The following ZNF704 variants were observed in gnomAD, a reference collection of about 807,000 sequenced individuals.
The protein encoded by ZNF704 is glucocorticoid induced gene 1.
In ZNF704, 10 loss-of-function variants were observed where a neutral mutation model predicts 44.7. The ratio of observed to expected loss-of-function variants is 0.22; its 90% CI spans 0.14 to 0.38. The LOEUF (loss-of-function observed/expected upper bound fraction) is 0.38, where lower values mean the gene tolerates loss of function less well. Among genes scored for constraint, ZNF704 ranks in the 10% least tolerant of loss-of-function variants. The probability of loss-of-function intolerance (pLI) is 1.00; values close to 1 mark genes in which losing one functional copy is unlikely to be tolerated. For missense variants in ZNF704, 390 were observed against 545.5 expected, an observed-to-expected ratio of 0.71 and a Z score of 2.84; for synonymous variants, 211 against 207.6, an observed-to-expected ratio of 1.02 and a Z score of -0.14.
At chr8:80,653,574 T>G (rs575777933) in intron 7 of ZNF704, among the ~76,000 whole-genome samples, 5 of 152,228 alleles carry the variant, frequency 3.3e-5, no homozygotes, top group East Asian at 1.9e-4. Context: ...AAATCATGAG[T>G]GAACTCCCAT....
rs1418827933 is a variant in ZNF704 at position 80,636,753 on chromosome 8, C to T, written c.*4613G>A. On this transcript the variant is annotated 3_prime_UTR_variant, in exon 9 of 9. Coordinates refer to ENST00000327835, the MANE Select transcript of ZNF704 (RefSeq NM_001033723.3). ...CTCTGTTTCCACTCATTTGTATGCA[C>T]AAATTCTTCCCTGAGTTCACACAGG... 1 of 152,188 alleles carries T rather than the reference C, an allele frequency of 6.6e-6. No homozygotes were observed. The highest frequency in any genetic ancestry group is 1.5e-5 in the Non-Finnish European group (1 of 68,044). The allele number at this position is 152,188 out of a possible 1,614,324, so 9.4% of individuals were successfully genotyped here.
chr8:80,817,955 C>T (rs1293768330), intron 2 of ZNF704, among the ~76,000 whole-genome samples: 2 of 152,146 alleles, frequency 1.3e-5, no homozygotes, highest in African/African-American at 4.8e-5. Flanking sequence ...AAGGCTGGCA[C>T]CTCACTCATC....
At chr8:80,848,402 T>A (rs1484803850) in intron 1 of ZNF704, among the ~76,000 whole-genome samples, 1 of 152,184 alleles carries the variant, frequency 6.6e-6, no homozygotes, top group African/African-American at 2.4e-5. Context: ...CTAAATAAAG[T>A]CAGTGGGCTG....
At chr8:80,680,594 G>A (rs188462799) in intron 4 of ZNF704, among the ~76,000 whole-genome samples, 56 of 152,230 alleles carry the variant, frequency 3.7e-4, no homozygotes, top group Non-Finnish European at 5.1e-4. Flanking sequence ...AGGGTCAAGA[G>A]GTCCACACAG....
intron 1 of ZNF704, among the ~76,000 whole-genome samples, chr8:80,864,016 G>C (rs888898209): frequency 6.6e-6 from 1 of 152,126 alleles, no homozygotes; most frequent in Non-Finnish European, 1.5e-5. Context: ...CGTGGGTACT[G>C]ATTTATTGAG....
At chr8:80,807,563 A>G (rs1402449136) in intron 2 of ZNF704, among the ~76,000 whole-genome samples, 1 of 152,172 alleles carries the variant, frequency 6.6e-6, no homozygotes, top group Admixed American at 6.5e-5. Flanking sequence ...CAGTGAACCA[A>G]TATTTACAGA....
chr8:80,870,270 A>T (rs1330850260), intron 1 of ZNF704, among the ~76,000 whole-genome samples: 1 of 152,238 alleles, frequency 6.6e-6, no homozygotes, highest in Non-Finnish European at 1.5e-5. Context: ...TGCTTTAGTC[A>T]TAACACTAGG....
intron 4 of ZNF704, among the ~76,000 whole-genome samples, chr8:80,684,072 G>C (rs1003162713): frequency 6.6e-6 from 1 of 152,170 alleles, no homozygotes; most frequent in African/African-American, 2.4e-5. Context: ...TATCCTGAGA[G>C]GGGCATGTTA....
intron 2 of ZNF704, among the ~76,000 whole-genome samples, chr8:80,820,008 T>C (rs1370515343): frequency 6.6e-6 from 1 of 152,230 alleles, no homozygotes; most frequent in Non-Finnish European, 1.5e-5. Flanking sequence ...TAGAAACCAC[T>C]TGGACAAATG....
intron 2 of ZNF704, among the ~76,000 whole-genome samples, chr8:80,774,992 C>T (rs1335311849): frequency 6.6e-6 from 1 of 152,112 alleles, no homozygotes; most frequent in African/African-American, 2.4e-5. Flanking sequence ...TTCTCTCTAC[C>T]TTTCATCTTT....
intron 2 of ZNF704, among the ~76,000 whole-genome samples, chr8:80,715,104 G>C (rs1402650514): frequency 6.6e-6 from 1 of 152,270 alleles, no homozygotes; most frequent in Non-Finnish European, 1.5e-5. Flanking sequence ...CTGCATTCAG[G>C]TACTGATATC....
At chr8:80,656,166 T>C (rs1012819506) in intron 7 of ZNF704, among the ~76,000 whole-genome samples, 2 of 152,176 alleles carry the variant, frequency 1.3e-5, no homozygotes, top group Non-Finnish European at 1.5e-5. Context: ...TGGCATGTGC[T>C]TGTGCTCTCT....
At chr8:80,852,023 T>A (rs1254284809) in intron 1 of ZNF704, among the ~76,000 whole-genome samples, 2 of 152,164 alleles carry the variant, frequency 1.3e-5, no homozygotes, top group Non-Finnish European at 2.9e-5. Flanking sequence ...TGGAACGAAC[T>A]TTTCTGGTAA....
At chr8:80,674,084 C>A (rs1455015201) in intron 4 of ZNF704, among the ~76,000 whole-genome samples, 1 of 152,190 alleles carries the variant, frequency 6.6e-6, no homozygotes, top group Non-Finnish European at 1.5e-5. Flanking sequence ...TGCGGAGAAG[C>A]AAAGACACAA....
chr8:80,643,124 T>C lies in ZNF704; in HGVS notation c.1038A>G (p.Ser346=), dbSNP rs1243581338. ...PPVTFTGIPV[S]PTHHPVGTGE... ...CTGTGCCCACCGGATGATGTGTGGG[T>C]GACACCTGGTGAATACATGGAAAAG... Residue 346 remains serine, a synonymous_variant, in exon 8 of 9, where the codon TCA becomes TCG. Coordinates refer to ENST00000327835, the MANE Select transcript of ZNF704 (RefSeq NM_001033723.3). The C allele has an allele frequency of 1.2e-6, 2 of 1,601,438 alleles. No homozygotes were observed. The highest frequency in any genetic ancestry group is 1.7e-6 in the Non-Finnish European group (2 of 1,173,650).
intron 1 of ZNF704, among the ~76,000 whole-genome samples, chr8:80,867,751 A>T (rs1217745524): frequency 2.0e-5 from 3 of 152,228 alleles, no homozygotes; most frequent in Admixed American, 1.3e-4. Context: ...AAGTCATCTG[A>T]TATTCAAGAG....
At position 80,665,831 on chromosome 8, in the gene ZNF704, AT is replaced by A. The variant is rs1041772341; in HGVS notation, c.660-750del. On this transcript the variant is annotated intron_variant, in intron 5 of 8. Coordinates refer to ENST00000327835, the MANE Select transcript of ZNF704 (RefSeq NM_001033723.3). ...GCACTATTTTATTTTATTTTATTTT[AT>A]TTTTTTTTCATGATTGTAAGTTTCC... 1.5e-3 allele frequency among the ~76,000 whole-genome samples: 200 copies of A among 137,172 alleles called. 3 individuals are homozygous for A. The highest frequency in any genetic ancestry group is 8.1e-3 in the Middle Eastern group (2 of 246). The allele number at this position is 137,172 out of a possible 152,430, so 90.0% of individuals were successfully genotyped here.
Position 80,687,343 on chromosome 8 carries a change from C to T in ZNF704, c.441G>A (p.Pro147=), listed in dbSNP as rs745522678. Reference sequence around the variant, plus strand: ...GCTTGAAGCTGTCAGCCGAGAGCGGCGGCGACGGCGTGGACGGGTTGGACT... The same window carrying T: ...GCTTGAAGCTGTCAGCCGAGAGCGGTGGCGACGGCGTGGACGGGTTGGACT... ...SDQSNPSTPS[P]PLSADSFKPF... The change falls in exon 4 of 9, where the codon CCG becomes CCA. Residue 147 remains proline, a synonymous_variant. Coordinates refer to ENST00000327835, the MANE Select transcript of ZNF704 (RefSeq NM_001033723.3). 36 of 1,610,042 alleles carry T rather than the reference C, an allele frequency of 2.2e-5. No individual in the cohort carries two copies. The highest frequency in any genetic ancestry group is 2.2e-4 in the South Asian group (20 of 91,040).
chr8:80,828,325 A>C (rs1019365488), intron 1 of ZNF704, among the ~76,000 whole-genome samples: 4 of 152,230 alleles, frequency 2.6e-5, no homozygotes, highest in African/African-American at 4.8e-5. Context: ...GAATCTTGTT[A>C]CTTCAGACTT....
Sources: allele counts gnomAD v4.1 joint callset (sites outside exome capture counted in the v4.1 genomes callset), GRCh38; gene constraint gnomAD v4.1.1; transcripts MANE v1.5; gene names NCBI Gene and HGNC (gene_info 2026-07-23, HGNC 2026-07-21).